SLIT2: variants seen among roughly 807,000 people sequenced by gnomAD.
SLIT2 encodes slit guidance ligand 2, also known as slit homolog 2 protein.
Under a neutral mutation model 185.7 loss-of-function variants are expected in SLIT2, and 41 were observed. The ratio of observed to expected loss-of-function variants is 0.22; its 90% CI spans 0.17 to 0.29. The LOEUF (loss-of-function observed/expected upper bound fraction) is 0.29. Ranked by LOEUF, SLIT2 falls within the 10% of genes least tolerant of loss-of-function variation. SLIT2 has a pLI of 1.00. For missense variants in SLIT2, 1,571 were observed against 1,909.0 expected, an observed-to-expected ratio of 0.82 and a Z score of 3.30; for synonymous variants, 693 against 680.2, an observed-to-expected ratio of 1.02 and a Z score of -0.29.
chr4:20,539,647 T>A, intron 19 of SLIT2, 63 bp downstream of exon 19: 2 of 1,061,130 alleles, frequency 1.9e-6, no homozygotes, highest in Non-Finnish European at 2.6e-6. Flanking sequence ...TTAATGTATT[T>A]AATATATTAT....
At chr4:20,368,219 C>CAAAAAAAAAAAAAAAAAAAAA (rs71653879) in intron 4 of SLIT2, among the ~76,000 whole-genome samples, 150 of 107,198 alleles carry the variant, frequency 1.4e-3, no homozygotes, top group Non-Finnish European at 1.9e-3. Flanking sequence ...CACAAAATAG[C>CAAAAAAAAAAAAAAAAAAAAA]AAAAAAAAAA....
chr4:20,373,255 T>G (rs1269105445), intron 4 of SLIT2, among the ~76,000 whole-genome samples: 1 of 152,160 alleles, frequency 6.6e-6, no homozygotes, highest in Non-Finnish European at 1.5e-5. Context: ...TCACTTTGTT[T>G]AAACTGTATT....
chr4:20,419,770 C>A (rs745522881), intron 4 of SLIT2, among the ~76,000 whole-genome samples: 4 of 149,784 alleles, frequency 2.7e-5, no homozygotes, highest in Non-Finnish European at 5.9e-5. Flanking sequence ...GGCTGCATTC[C>A]GATTACAGCT....
intron 15 of SLIT2, among the ~76,000 whole-genome samples, chr4:20,527,259 T>C (rs1219857977): frequency 1.3e-5 from 2 of 151,950 alleles, no homozygotes; most frequent in Non-Finnish European, 2.9e-5. Context: ...CATATTACAG[T>C]GATAAAAGAA....
chr4:20,432,068 T>G (rs1577647457), intron 4 of SLIT2, among the ~76,000 whole-genome samples: 1 of 151,610 alleles, frequency 6.6e-6, no homozygotes, highest in Admixed American at 6.6e-5. Flanking sequence ...TGTGAATGAA[T>G]GAAGGAAGGA....
chr4:20,271,500 T>C (rs1190404018), intron 4 of SLIT2, among the ~76,000 whole-genome samples: 1 of 146,862 alleles, frequency 6.8e-6, no homozygotes, highest in Non-Finnish European at 1.5e-5. Context: ...ATTATATATA[T>C]ATATATAGCA....
At position 20,609,986 on chromosome 4, in the gene SLIT2, A is replaced by G. The variant is rs750314674; in HGVS notation, c.3693-27A>G. On this transcript the variant is annotated intron_variant, in intron 33 of 36. Transcript: ENST00000504154. ...TGCTTTAATGAAAAGAAAATGGAAG[A>G]ATCAGCCATTTTTTTTTCCGTTGTA... The G allele has an allele frequency of 8.2e-6, 13 of 1,579,966 alleles. No homozygotes were observed. In the East Asian group the frequency reaches 2.5e-4, roughly 31 times the overall value.
At chr4:20,524,993 A>T (rs778565655) in intron 14 of SLIT2, among the ~76,000 whole-genome samples, 156 bp from the exon 15 acceptor site, 2 of 152,122 alleles carry the variant, frequency 1.3e-5, no homozygotes, top group Admixed American at 6.5e-5. Context: ...TGCATTTACT[A>T]CTCACTGTAC....
At chr4:20,443,517 C>G (rs2148704009) in intron 4 of SLIT2, among the ~76,000 whole-genome samples, 1 of 135,696 alleles carries the variant, frequency 7.4e-6, no homozygotes, top group African/African-American at 2.7e-5. Flanking sequence ...TTCATTCATT[C>G]ATCACAAGTT....
intron 21 of SLIT2, among the ~76,000 whole-genome samples, chr4:20,545,473 A>G (rs1723166781): frequency 6.6e-6 from 1 of 151,476 alleles, no homozygotes; most frequent in Admixed American, 6.6e-5. Flanking sequence ...ATATATATAT[A>G]TATATTTATA....
At chr4:20,439,205 T>C (rs1415310524) in intron 4 of SLIT2, among the ~76,000 whole-genome samples, 1 of 152,250 alleles carries the variant, frequency 6.6e-6, no homozygotes, top group East Asian at 1.9e-4. Context: ...ATCTTACATG[T>C]AAGACACATA....
chr4:20,266,237 A>G (rs991671458), intron 3 of SLIT2, among the ~76,000 whole-genome samples: 18 of 151,918 alleles, frequency 1.2e-4, no homozygotes, highest in African/African-American at 4.1e-4. Context: ...CTCACAATAT[A>G]TGAAACTATA....
At chr4:20,553,352 T>G (rs1299320773) in intron 25 of SLIT2, among the ~76,000 whole-genome samples, 1 of 152,202 alleles carries the variant, frequency 6.6e-6, no homozygotes, top group East Asian at 1.9e-4. Context: ...TGTGAGTATA[T>G]CCCAATGCTA....
intron 11 of SLIT2, among the ~76,000 whole-genome samples, 197 bp from the exon 12 acceptor site, chr4:20,519,185 A>C (rs969570881): frequency 6.6e-6 from 1 of 152,192 alleles, no homozygotes; most frequent in Non-Finnish European, 1.5e-5. Context: ...CTGTTTTCCA[A>C]ATGTTCTACA....
intron 5 of SLIT2, among the ~76,000 whole-genome samples, chr4:20,478,869 G>T (rs1716397971): frequency 6.6e-6 from 1 of 152,102 alleles, no homozygotes; most frequent in African/African-American, 2.4e-5. Context: ...ATTGTTAAAT[G>T]AATTTAATCT....
chr4:20,540,676 G>C (rs990267124), intron 19 of SLIT2, among the ~76,000 whole-genome samples: 3 of 152,050 alleles, frequency 2.0e-5, no homozygotes, highest in Non-Finnish European at 2.9e-5. Flanking sequence ...AAAAGGAGGG[G>C]AATAAAGATA....
At chr4:20,328,785 T>A (rs1719811038) in intron 4 of SLIT2, among the ~76,000 whole-genome samples, 1 of 151,940 alleles carries the variant, frequency 6.6e-6, no homozygotes, top group African/African-American at 2.4e-5. Context: ...ATATAAACTG[T>A]GGTATGATGG....
chr4:20,392,041 A>G (rs928213658), intron 4 of SLIT2: 19 of 152,080 alleles, frequency 1.2e-4, no homozygotes, highest in Admixed American at 9.9e-4. Flanking sequence ...GCATGAGAGA[A>G]TTTTATATAC....
At chr4:20,445,007 T>A (rs574918873) in intron 4 of SLIT2, among the ~76,000 whole-genome samples, 17 of 152,308 alleles carry the variant, frequency 1.1e-4, no homozygotes, top group African/African-American at 4.1e-4. Flanking sequence ...ATAATAAGTG[T>A]CTTCTCAATA....
Sources: allele counts gnomAD v4.1 joint callset (sites outside exome capture counted in the v4.1 genomes callset), GRCh38; gene constraint gnomAD v4.1.1; transcripts MANE v1.5; gene names NCBI Gene and HGNC (gene_info 2026-07-23, HGNC 2026-07-21).